Variants in SLC29A4 observed in about 807,000 individuals in gnomAD.
SLC29A4 encodes the protein solute carrier family 29 member 4, also known as equilibrative nucleoside transporter 4.
In SLC29A4, 36 loss-of-function variants were observed where a neutral mutation model predicts 43.9. The observed-to-expected ratio is 0.82, with a 90% CI of 0.63 to 1.08. SLC29A4 has a LOEUF of 1.08. Among genes scored for constraint, SLC29A4 ranks in the 50% least tolerant of loss-of-function variants. The pLI, the probability that SLC29A4 is intolerant of heterozygous loss-of-function variation, is 0.00. For synonymous variants in SLC29A4, 491 were observed against 338.0 expected, an observed-to-expected ratio of 1.45 and a Z score of -4.97; for missense variants, 869 against 755.3, an observed-to-expected ratio of 1.15 and a Z score of -1.77.
chr7:5,299,221 C>A lies in SLC29A4; in HGVS notation c.1022-19C>A. The A allele has an allele frequency of 6.2e-7, 1 of 1,604,490 alleles. No homozygotes were observed. Among genetic ancestry groups the A allele is most frequent in the South Asian group, 1.1e-5 (1 of 90,414 alleles). On this transcript the variant is annotated intron_variant, in intron 8 of 10. Transcript: ENST00000396872. ...GTCCCCGTGGGCGCTGCCTCTGACC[C>A]CCGCCCGCCACCCTCCAGCCCTGTT...
intron 7 of SLC29A4, among the ~76,000 whole-genome samples, chr7:5,298,735 G>A (rs1785895896): frequency 6.6e-6 from 1 of 152,182 alleles, no homozygotes; most frequent in African/African-American, 2.4e-5. Context: ...AGGAAGTTGA[G>A]GCTGCAGTGA....
At chr7:5,298,741 A>G (rs1315278188) in intron 7 of SLC29A4, among the ~76,000 whole-genome samples, 1 of 152,178 alleles carries the variant, frequency 6.6e-6, no homozygotes, top group Non-Finnish European at 1.5e-5. Flanking sequence ...TTGAGGCTGC[A>G]GTGAGCTGTG....
chr7:5,292,519 CT>C (rs1429318879), intron 5 of SLC29A4, among the ~76,000 whole-genome samples: 3 of 152,172 alleles, frequency 2.0e-5, no homozygotes, highest in Admixed American at 6.6e-5. Context: ...CTCTCTCCCC[CT>C]CTCCCTCCAC....
intron 7 of SLC29A4, 78 bp from the exon 8 acceptor site, chr7:5,298,910 G>A: frequency 6.6e-7 from 1 of 1,520,146 alleles, no homozygotes; most frequent in Non-Finnish European, 8.9e-7. Context: ...CGGCTCTTCT[G>A]ATTGGGCCTG....
rs1487668261 is a variant in SLC29A4, at chr7:5,291,279, T to G, written c.415+42T>G. 3 of 1,566,374 alleles carry G rather than the reference T, an allele frequency of 1.9e-6. No individual in the cohort carries two copies. In the African/African-American group the frequency reaches 4.1e-5, roughly 21 times the overall value. On this transcript the variant is annotated intron_variant, in intron 4 of 10. Coordinates refer to ENST00000396872, the MANE Select transcript of SLC29A4 (RefSeq NM_153247.4). Reference sequence around the variant, plus strand: ...CACGGGACACCTGCCTGTCATGGCTTCCACCTGCCTGGCCGGTCACCCACT... The same window carrying G: ...CACGGGACACCTGCCTGTCATGGCTGCCACCTGCCTGGCCGGTCACCCACT...
intron 7 of SLC29A4, 152 bp from the exon 8 acceptor site, chr7:5,298,836 T>G (rs889549891): frequency 1.3e-6 from 1 of 791,076 alleles, no homozygotes; most frequent in Non-Finnish European, 2.0e-6. Context: ...GAGACCTTGA[T>G]AAAGTGGAGG....
intron 10 of SLC29A4, among the ~76,000 whole-genome samples, chr7:5,301,098 C>T (rs1320445958): frequency 1.3e-5 from 2 of 151,972 alleles, no homozygotes; most frequent in Non-Finnish European, 1.5e-5. Context: ...CTCCTCTCTA[C>T]AAAAATGTTT....
chr7:5,286,582 G>C (rs1784966665), intron 1 of SLC29A4, among the ~76,000 whole-genome samples: 1 of 151,800 alleles, frequency 6.6e-6, no homozygotes, highest in African/African-American at 2.4e-5. Context: ...CCTGCCTCAG[G>C]CACACACAGG....
chr7:5,301,253 C>G (rs888533470), intron 10 of SLC29A4, among the ~76,000 whole-genome samples: 136 of 128,082 alleles, frequency 1.1e-3, no homozygotes, highest in Middle Eastern at 7.9e-3. Flanking sequence ...GAGCAAGATC[C>G]TGTCTGGGGA....
At chr7:5,301,956 T>A (rs1235195536) in intron 10 of SLC29A4, among the ~76,000 whole-genome samples, 2 of 151,886 alleles carry the variant, frequency 1.3e-5, no homozygotes, top group Non-Finnish European at 2.9e-5. Context: ...GAGTGGAGAT[T>A]TTTTTTTCTT....
chr7:5,286,522 C>CAAAAA (rs57020511), intron 1 of SLC29A4, among the ~76,000 whole-genome samples: 2 of 114,752 alleles, frequency 1.7e-5, no homozygotes, highest in South Asian at 2.6e-4. Context: ...GACTCCATCT[C>CAAAAA]AAAAAAAAAA....
At position 5,302,807 on chromosome 7, in the gene SLC29A4, G is replaced by A; in HGVS notation, c.1461G>A (p.Met487Ile). ...TGGTGTTGTCCACAGGGAACACCAT[G>A]ACCGTGTCCTACATGTCAGGGCTGA... ...PKQRELAGNTMTVSYMSGLTL... is the reference protein window; with the variant it reads ...PKQRELAGNTITVSYMSGLTL... Residue 487 changes from methionine (M) to isoleucine (I), a missense_variant, in exon 11 of 11, where the codon ATG (methionine) becomes ATA (isoleucine). Transcript: ENST00000396872. The A allele has an allele frequency of 6.4e-7, 1 of 1,560,174 alleles. No homozygotes were observed.
chr7:5,284,032 A>ACCCCCCCCCCCCCCCCCCCCCCCCCCCCC (rs79051188), intron 1 of SLC29A4, among the ~76,000 whole-genome samples: 1 of 72,250 alleles, frequency 1.4e-5, no homozygotes, highest in Non-Finnish European at 2.9e-5. Context: ...GAGCTGCACG[A>ACCCCCCCCCCCCCCCCCCCCCCCCCCCCC]CCCCCCCCCC....
chr7:5,286,557 A>C (rs1438301382), intron 1 of SLC29A4, among the ~76,000 whole-genome samples: 2 of 150,800 alleles, frequency 1.3e-5, no homozygotes, highest in African/African-American at 4.9e-5. Context: ...AAATCATTTT[A>C]GGGGAAAAAG....
At position 5,302,932 on chromosome 7, in the gene SLC29A4, G is replaced by T; in HGVS notation, c.1586G>T (p.Gly529Val). Reference protein sequence around the residue: ...ASTANGSILAGL With the variant: ...ASTANGSILAVL The stretch of plus-strand genomic sequence containing the variant: ...ACCGCCAATGGTTCCATCCTCGCAG[G>T]CCTCTGAGCCAGCCCCGCCCACTGC... The change falls in exon 11 of 11, where the codon GGC becomes GTC. Residue 529 changes from glycine to valine, a missense_variant. Coordinates refer to ENST00000396872, the MANE Select transcript of SLC29A4 (RefSeq NM_153247.4). The T allele has an allele frequency of 1.9e-6, 3 of 1,606,294 alleles. No individual in the cohort carries two copies. Among genetic ancestry groups the T allele is most frequent in the East Asian group, 2.2e-5 (1 of 44,666 alleles).
In SLC29A4 at chr7:5,298,775, C is replaced by T. The variant is rs904319502; in HGVS notation, c.883-213C>T. Among the ~76,000 whole-genome samples the T allele has an allele frequency of 9.2e-5, 14 of 152,218 alleles. No individual in the cohort carries two copies. In the South Asian group the frequency reaches 1.0e-3, roughly 11 times the overall value. ...TGACTGCACCACTGCACTCCAGCCTCGGCAACAGAGCAAGACCCTCTCTCT... is the reference window on the plus strand; with the variant it reads ...TGACTGCACCACTGCACTCCAGCCTTGGCAACAGAGCAAGACCCTCTCTCT... On this transcript the variant is annotated intron_variant, in intron 7 of 10. Transcript: ENST00000396872.
rs138555653 is a variant in SLC29A4 at position 5,296,976 on chromosome 7, G to C, written c.660G>C (p.Thr220=). 13 of 1,601,422 alleles carry C rather than the reference G, an allele frequency of 8.1e-6. No individual in the cohort carries two copies. Among genetic ancestry groups the C allele is most frequent in the Admixed American group, 1.7e-5 (1 of 59,868 alleles). Reference sequence around the variant, plus strand: ...TGATCTCTCTGAGCCGCATCCTCACGAAGCTGCTGCTGCCCGACGAGCGCG... The same window carrying C: ...TGATCTCTCTGAGCCGCATCCTCACCAAGCTGCTGCTGCCCGACGAGCGCG... The part of the protein sequence containing the change: ...GVMISLSRIL[T]KLLLPDERAS... The change falls in exon 7 of 11, where the codon ACG becomes ACC. Residue 220 remains threonine, a synonymous_variant. Coordinates refer to ENST00000396872, the MANE Select transcript of SLC29A4 (RefSeq NM_153247.4).
intron 6 of SLC29A4, among the ~76,000 whole-genome samples, chr7:5,295,836 G>T (rs2128089954): frequency 6.6e-6 from 1 of 152,318 alleles, no homozygotes; most frequent in South Asian, 2.1e-4. Context: ...GAGCGAGAGA[G>T]GGTGCAGAAT....
intron 7 of SLC29A4, 119 bp downstream of exon 7, chr7:5,297,317 T>A: frequency 1.0e-5 from 12 of 1,172,770 alleles, no homozygotes; most frequent in South Asian, 1.7e-5. Flanking sequence ...GGTCTCCTCC[T>A]GTGGTGGAGA....
Sources: gnomAD v4.1 joint callset for allele counts (sites outside exome capture counted in the v4.1 genomes callset) on GRCh38, gnomAD v4.1.1 for gene constraint, MANE v1.5 for transcripts, NCBI Gene and HGNC (gene_info 2026-07-23, HGNC 2026-07-21) for gene names.